The following ADGRL3 variants were observed in gnomAD, a reference collection of about 807,000 sequenced individuals.
ADGRL3 encodes the protein calcium-independent alpha-latrotoxin receptor 3.
In ADGRL3, 62 loss-of-function variants were observed where a neutral mutation model predicts 153.5. The ratio of observed to expected loss-of-function variants is 0.40; its 90% confidence interval spans 0.33 to 0.50. ADGRL3 has a LOEUF of 0.50. ADGRL3 is among the 20% of genes least tolerant of loss of function. The probability of loss-of-function intolerance (pLI) is 0.47; values close to 1 mark genes in which losing one functional copy is unlikely to be tolerated. For synonymous variants in ADGRL3, 710 were observed against 672.5 expected (o/e 1.06, Z -0.86); for missense variants, 1,641 against 1,859.4 (o/e 0.88, Z 2.16).
At chr4:61,727,403 A>T (rs1287719963) in intron 6 of ADGRL3, among the ~76,000 whole-genome samples, 1 of 152,196 alleles carries the variant, frequency 6.6e-6, no homozygotes, top group East Asian at 1.9e-4. Context: ...TTAAAAATGT[A>T]GAGAGAAAAG....
intron 1 of ADGRL3, among the ~76,000 whole-genome samples, chr4:61,305,178 T>C (rs1193955246): frequency 6.6e-6 from 1 of 152,100 alleles, no homozygotes; most frequent in African/African-American, 2.4e-5. Context: ...AAGTGACTTT[T>C]TTTTTTTTAA....
rs1460350054 is a variant in ADGRL3, at chr4:62,037,784, T to C, written c.3645T>C (p.Ser1215=). 6.2e-7 allele frequency: 1 copy of C among 1,613,776 alleles called. No homozygotes were observed. The highest frequency in any genetic ancestry group is 1.7e-5 in the Admixed American group (1 of 60,002). The part of the protein sequence containing the change: ...CLRTHCCSGK[S]TESSIGSGKT... ...GAACACATTGCTGTAGTGGCAAAAG[T>C]ACAGAGAGTTCCATTGGTTCAGGGA... The change falls in exon 24 of 27, where the codon AGT becomes AGC. Residue 1215 remains serine (S), a synonymous_variant. Transcript: ENST00000683033.
At chr4:61,669,843 G>A (rs1224975722) in intron 5 of ADGRL3, among the ~76,000 whole-genome samples, 1 of 152,082 alleles carries the variant, frequency 6.6e-6, no homozygotes, top group African/African-American at 2.4e-5. Context: ...TTTTATACAT[G>A]ACTGAAACTT....
At chr4:61,909,461 T>A in intron 11 of ADGRL3, 99 bp from the exon 12 acceptor site, 1 of 751,318 alleles carries the variant, frequency 1.3e-6, no homozygotes, top group Non-Finnish European at 2.1e-6. Flanking sequence ...ATTTCTTGAA[T>A]CGATGATTAC....
chr4:61,810,351 A>C (rs1012230242), intron 8 of ADGRL3, among the ~76,000 whole-genome samples: 1 of 152,114 alleles, frequency 6.6e-6, no homozygotes, highest in African/African-American at 2.4e-5. Flanking sequence ...TTGACTTTTG[A>C]AAAAGTCCCC....
chr4:62,034,765 C>CT (rs529369887), intron 23 of ADGRL3, among the ~76,000 whole-genome samples: 442 of 151,920 alleles, frequency 2.9e-3, no homozygotes, highest in Non-Finnish European at 4.9e-3. Context: ...GTATCTCAGT[C>CT]TTTTTCTGAG....
At chr4:61,805,017 G>T (rs945761359) in intron 8 of ADGRL3, among the ~76,000 whole-genome samples, 1 of 150,784 alleles carries the variant, frequency 6.6e-6, no homozygotes, top group African/African-American at 2.4e-5. Flanking sequence ...GTGCAGTGGG[G>T]CGATCTCGGC....
intron 2 of ADGRL3, among the ~76,000 whole-genome samples, chr4:61,480,810 A>G (rs560632266): frequency 6.6e-6 from 1 of 152,174 alleles, no homozygotes; most frequent in African/African-American, 2.4e-5. Flanking sequence ...AAATGAAAAT[A>G]AATAAAAGAT....
intron 9 of ADGRL3, among the ~76,000 whole-genome samples, chr4:61,839,345 C>T (rs765208333): frequency 9.9e-5 from 15 of 151,960 alleles, no homozygotes; most frequent in Non-Finnish European, 1.6e-4. Flanking sequence ...CATGCAACAC[C>T]ATGCCCAGCT....
At chr4:61,220,001 G>A (rs556268971) in intron 1 of ADGRL3, among the ~76,000 whole-genome samples, 5 of 151,928 alleles carry the variant, frequency 3.3e-5, no homozygotes, top group Admixed American at 3.3e-4. Flanking sequence ...ACAGCCACTC[G>A]GGAGGCTGAG....
chr4:61,301,069 G>A (rs1014135965), intron 1 of ADGRL3, among the ~76,000 whole-genome samples: 2 of 152,120 alleles, frequency 1.3e-5, no homozygotes, highest in Non-Finnish European at 2.9e-5. Flanking sequence ...GTCCAAGAAT[G>A]AGTTTTCTAA....
At chr4:61,904,812 C>T (rs569627576) in intron 11 of ADGRL3, among the ~76,000 whole-genome samples, 4 of 152,128 alleles carry the variant, frequency 2.6e-5, no homozygotes, top group South Asian at 2.1e-4. Flanking sequence ...TTGTATCCTT[C>T]GTTTTGAAGA....
intron 1 of ADGRL3, among the ~76,000 whole-genome samples, chr4:61,213,428 C>T (rs945222240): frequency 2.6e-5 from 4 of 151,932 alleles, no homozygotes; most frequent in African/African-American, 9.7e-5. Context: ...CCTAGTATAG[C>T]TAATTGTACA....
chr4:61,932,258 T>G (rs770423794), intron 13 of ADGRL3, among the ~76,000 whole-genome samples: 1 of 152,098 alleles, frequency 6.6e-6, no homozygotes, highest in African/African-American at 2.4e-5. Context: ...TTGCCTTGTT[T>G]TTGATCTTAG....
intron 4 of ADGRL3, among the ~76,000 whole-genome samples, chr4:61,581,592 A>G (rs552247653): frequency 1.3e-5 from 2 of 152,156 alleles, no homozygotes; most frequent in South Asian, 2.1e-4. Context: ...ATCCTGACTC[A>G]AATGGACCTC....
At chr4:61,424,090 G>A (rs1578775342) in intron 2 of ADGRL3, among the ~76,000 whole-genome samples, 1 of 152,202 alleles carries the variant, frequency 6.6e-6, no homozygotes, top group South Asian at 2.1e-4. Context: ...ACACTCAGGG[G>A]GTGAAGGGGC....
At chr4:61,672,546 C>G (rs2095043736) in intron 5 of ADGRL3, among the ~76,000 whole-genome samples, 1 of 151,960 alleles carries the variant, frequency 6.6e-6, no homozygotes, top group Admixed American at 6.6e-5. Flanking sequence ...TGAAAGAAGA[C>G]AAATGGCCAA....
chr4:61,446,715 A>T (rs1422227956), intron 2 of ADGRL3, among the ~76,000 whole-genome samples: 1 of 152,202 alleles, frequency 6.6e-6, no homozygotes, highest in African/African-American at 2.4e-5. Flanking sequence ...TAGTATGAGG[A>T]CATAAAATGT....
intron 25 of ADGRL3, among the ~76,000 whole-genome samples, chr4:62,052,228 A>T (rs764397876): frequency 1.3e-5 from 2 of 151,686 alleles, no homozygotes; most frequent in Non-Finnish European, 3.0e-5. Flanking sequence ...CATTCTTTTC[A>T]TATAATGACA....
Sources: allele counts gnomAD v4.1 joint callset (sites outside exome capture counted in the v4.1 genomes callset), GRCh38; gene constraint gnomAD v4.1.1; transcripts MANE v1.5; gene names NCBI Gene and HGNC (gene_info 2026-07-23, HGNC 2026-07-21).